Variants in MARK1 observed in about 807,000 individuals in gnomAD.
MARK1 encodes the protein microtubule affinity regulating kinase 1.
MARK1 carries 40 observed loss-of-function variants against 96.3 expected under a neutral mutation model. The ratio of observed to expected loss-of-function variants is 0.42; its 90% CI spans 0.32 to 0.54. MARK1 has a LOEUF of 0.54. Ranked by LOEUF, MARK1 falls within the 20% of genes least tolerant of loss-of-function variation. The pLI, the probability that MARK1 is intolerant of heterozygous loss-of-function variation, is 0.16. For missense variants in MARK1, 719 were observed against 984.6 expected, an observed-to-expected ratio of 0.73 and a Z score of 3.61; for synonymous variants, 317 against 341.2, an observed-to-expected ratio of 0.93 and a Z score of 0.78.
intron 11 of MARK1, among the ~76,000 whole-genome samples, chr1:220,634,810 TC>T (rs1667856326): frequency 6.6e-6 from 1 of 152,070 alleles, no homozygotes; most frequent in South Asian, 2.1e-4. Context: ...AAATATAATT[TC>T]CTGATCAGAA....
At chr1:220,586,559 T>G (rs1405090781) in intron 3 of MARK1, among the ~76,000 whole-genome samples, 1 of 152,244 alleles carries the variant, frequency 6.6e-6, no homozygotes, top group Non-Finnish European at 1.5e-5. Context: ...GTTGACACTT[T>G]TTGTTTCTGA....
Position 220,653,154 on chromosome 1 carries a change from C to T in MARK1, c.1790C>T (p.Ala597Val), listed in dbSNP as rs751414755. 10 of 1,614,068 alleles carry T rather than the reference C, an allele frequency of 6.2e-6. 1 individual carries two copies. The highest frequency in any genetic ancestry group is 3.3e-5 in the South Asian group (3 of 91,090). ...CCATCTGCTCACAGTATTAGTACTG[C>T]GACTCCAGACCGGACCCGTTTTCCC... ...ASPSAHSISTATPDRTRFPRG... is the reference protein window; with the variant it reads ...ASPSAHSISTVTPDRTRFPRG... The change falls in exon 16 of 18, where the codon GCG becomes GTG. Residue 597 changes from alanine to valine, a missense_variant. Physicochemically the swap from Ala to Val is moderately conservative, Grantham distance 64. Coordinates refer to ENST00000366917, the MANE Select transcript of MARK1 (RefSeq NM_018650.5).
chr1:220,620,883 G>A (rs185717810), intron 9 of MARK1, among the ~76,000 whole-genome samples: 1 of 151,880 alleles, frequency 6.6e-6, no homozygotes, highest in Non-Finnish European at 1.5e-5. Flanking sequence ...TGACTTTCCA[G>A]GGAAACTTGA....
intron 13 of MARK1, among the ~76,000 whole-genome samples, chr1:220,644,971 G>A: frequency 6.6e-6 from 1 of 152,064 alleles, no homozygotes; most frequent in South Asian, 2.1e-4. Flanking sequence ...ACATCAAAAA[G>A]CTAGAAAGAT....
At chr1:220,615,443 T>C (rs1406380377) in intron 6 of MARK1, among the ~76,000 whole-genome samples, 1 of 152,200 alleles carries the variant, frequency 6.6e-6, no homozygotes, top group African/African-American at 2.4e-5. Context: ...AATATAGATA[T>C]TGCTAAATAC....
chr1:220,567,787 C>T (rs1035717720), intron 1 of MARK1, among the ~76,000 whole-genome samples: 4 of 152,128 alleles, frequency 2.6e-5, no homozygotes, highest in African/African-American at 9.7e-5. Context: ...AACTGAGGCT[C>T]AGAGAGGTAA....
At chr1:220,536,763 G>A (rs1660722299) in intron 1 of MARK1, among the ~76,000 whole-genome samples, 1 of 152,046 alleles carries the variant, frequency 6.6e-6, no homozygotes, top group African/African-American at 2.4e-5. Context: ...TGTACTTTTA[G>A]TAGAAACAGG....
chr1:220,586,589 G>A (rs923537991), intron 3 of MARK1, among the ~76,000 whole-genome samples: 4 of 152,102 alleles, frequency 2.6e-5, no homozygotes, highest in Non-Finnish European at 5.9e-5. Context: ...TTTAATGCCT[G>A]TATTCTACCT....
intron 14 of MARK1, among the ~76,000 whole-genome samples, chr1:220,651,570 T>G (rs188144296): frequency 1.3e-5 from 2 of 152,280 alleles, no homozygotes; most frequent in South Asian, 2.1e-4. Context: ...AGAGATAATA[T>G]TTTTGGTATA....
At chr1:220,546,701 A>T (rs531859291) in intron 1 of MARK1, among the ~76,000 whole-genome samples, 93 of 152,328 alleles carry the variant, frequency 6.1e-4, no homozygotes, top group African/African-American at 2.1e-3. Context: ...GGCTGGGTGC[A>T]GTGGCTCACG....
At chr1:220,530,934 G>T (rs757633901) in intron 1 of MARK1, among the ~76,000 whole-genome samples, 1 of 138,724 alleles carries the variant, frequency 7.2e-6, no homozygotes, top group Non-Finnish European at 1.6e-5. Context: ...TATGCACTCA[G>T]CATGTTCATT....
intron 1 of MARK1, among the ~76,000 whole-genome samples, chr1:220,537,772 T>C (rs1270351436): frequency 1.3e-5 from 2 of 151,456 alleles, no homozygotes; most frequent in Non-Finnish European, 2.9e-5. Flanking sequence ...TTTTAATGAT[T>C]GCCATTCTAA....
Position 220,618,282 on chromosome 1 carries a change from A to G in MARK1, c.553-28A>G. 2.9e-6 allele frequency: 4 copies of G among 1,364,186 alleles called. No individual in the cohort carries two copies. The highest frequency in any genetic ancestry group is 4.2e-6 in the Non-Finnish European group (4 of 958,252). The allele number at this position is 1,364,186 out of a possible 1,614,324, so 84.5% of individuals were successfully genotyped here. A position where few individuals can be genotyped will look rare whatever the true frequency, so the allele number is the denominator to read the frequency against. On this transcript the variant is annotated intron_variant, in intron 7 of 17. Coordinates refer to ENST00000366917, the MANE Select transcript of MARK1 (RefSeq NM_018650.5). This position sits in a 1 kb window ranked among gnomAD's most constrained non-coding sequence, Gnocchi z 4.6. The stretch of plus-strand genomic sequence containing the variant: ...TTTTTATTTTATGTAGGCTTTTTAC[A>G]TTGTTCTTTCTATTATTTTCCTCTT...
intron 16 of MARK1, 82 bp downstream of exon 16, chr1:220,653,434 A>T: frequency 7.2e-7 from 1 of 1,387,334 alleles, no homozygotes; most frequent in South Asian, 1.5e-5. Flanking sequence ...TCTTTATAAT[A>T]ATTTTCTAAA....
At chr1:220,624,069 G>A (rs1667184868) in intron 9 of MARK1, among the ~76,000 whole-genome samples, 1 of 152,110 alleles carries the variant, frequency 6.6e-6, no homozygotes, top group African/African-American at 2.4e-5. Context: ...AGGCCCAAGG[G>A]GGCGGATCAC....
chr1:220,564,264 T>C (rs931356788), intron 1 of MARK1, among the ~76,000 whole-genome samples: 6 of 152,190 alleles, frequency 3.9e-5, no homozygotes, highest in Non-Finnish European at 7.3e-5. Context: ...AACTAAAGGC[T>C]TTGTGACATC....
At chr1:220,644,864 A>AT (rs1296251915) in intron 13 of MARK1, among the ~76,000 whole-genome samples, 1 of 152,158 alleles carries the variant, frequency 6.6e-6, no homozygotes, top group Non-Finnish European at 1.5e-5. Context: ...AAATCAAGAA[A>AT]TTCTTTGAAA....
At chr1:220,563,440 C>T (rs1039314464) in intron 1 of MARK1, among the ~76,000 whole-genome samples, 1 of 152,052 alleles carries the variant, frequency 6.6e-6, no homozygotes, top group African/African-American at 2.4e-5. Flanking sequence ...GGGGACTGTT[C>T]CTAGGAATCA....
intron 9 of MARK1, among the ~76,000 whole-genome samples, chr1:220,620,041 G>A (rs377337038): frequency 6.6e-6 from 1 of 152,116 alleles, no homozygotes. Flanking sequence ...ATATTTTTCA[G>A]TAGAGGATAC....
Sources: allele counts gnomAD v4.1 joint callset (sites outside exome capture counted in the v4.1 genomes callset), GRCh38; gene constraint gnomAD v4.1.1; non-coding constraint Gnocchi (gnomAD v3.1); transcripts MANE v1.5; gene names NCBI Gene and HGNC (gene_info 2026-07-23, HGNC 2026-07-21).